CDKAL1: variants seen among roughly 807,000 people sequenced by gnomAD.
CDKAL1 encodes the protein CDKAL1 threonylcarbamoyladenosine tRNA methylthiotransferase, also known as threonylcarbamoyladenosine tRNA methylthiotransferase.
CDKAL1 carries 32 observed loss-of-function variants against 68.2 expected under a neutral mutation model. The observed-to-expected ratio is 0.47, with a 90% CI of 0.35 to 0.63. The LOEUF is 0.63. Among genes scored for constraint, CDKAL1 ranks in the 30% least tolerant of loss-of-function variants. The pLI, the probability that CDKAL1 is intolerant of heterozygous loss-of-function variation, is 0.00. For missense variants in CDKAL1, 606 were observed against 696.7 expected, an observed-to-expected ratio of 0.87 and a Z score of 1.47; for synonymous variants, 234 against 244.3, an observed-to-expected ratio of 0.96 and a Z score of 0.39.
chr6:20,980,695 A>T (rs1269058995), intron 10 of CDKAL1, among the ~76,000 whole-genome samples: 3 of 152,206 alleles, frequency 2.0e-5, no homozygotes, highest in African/African-American at 4.8e-5. Context: ...TTGCTTAAAA[A>T]AGGCAACTTC....
intron 3 of CDKAL1, among the ~76,000 whole-genome samples, chr6:20,547,055 C>G (rs1242075252): frequency 6.6e-6 from 1 of 151,896 alleles, no homozygotes; most frequent in East Asian, 1.9e-4. Context: ...TACATACTTT[C>G]CAGTTGAGTA....
At chr6:20,914,951 A>C (rs1265110379) in intron 9 of CDKAL1, among the ~76,000 whole-genome samples, 1 of 152,168 alleles carries the variant, frequency 6.6e-6, no homozygotes, top group Non-Finnish European at 1.5e-5. Flanking sequence ...GGTGGGTATA[A>C]GATTGAATAT....
intron 12 of CDKAL1, among the ~76,000 whole-genome samples, chr6:21,072,029 T>C (rs1771801316): frequency 6.6e-6 from 1 of 152,222 alleles, no homozygotes; most frequent in South Asian, 2.1e-4. Flanking sequence ...CAGCCAGCTT[T>C]TGTGAACTGG....
chr6:20,664,244 G>A (rs547560865), intron 5 of CDKAL1, among the ~76,000 whole-genome samples: 2 of 152,176 alleles, frequency 1.3e-5, no homozygotes, highest in African/African-American at 4.8e-5. Flanking sequence ...ATGTGTGCTC[G>A]CACGCTCAAT....
intron 9 of CDKAL1, among the ~76,000 whole-genome samples, chr6:20,860,852 A>G (rs1759580519): frequency 6.6e-6 from 1 of 152,004 alleles, no homozygotes; most frequent in Admixed American, 6.6e-5. Flanking sequence ...CTGAATGAAT[A>G]CATGAATAAA....
intron 9 of CDKAL1, among the ~76,000 whole-genome samples, chr6:20,902,349 AC>A (rs1762040532): frequency 0.2 from 21,481 of 106,858 alleles, 2,036 homozygotes; most frequent in Non-Finnish European, 0.25. Context: ...ACACACACAC[AC>A]ACACACACAA....
intron 13 of CDKAL1, among the ~76,000 whole-genome samples, chr6:21,147,566 T>C (rs191735723): frequency 4.7e-4 from 72 of 152,300 alleles, no homozygotes; most frequent in African/African-American, 1.3e-3. Flanking sequence ...GCTTCCTGGT[T>C]AGTGCCCTGC....
intron 9 of CDKAL1, among the ~76,000 whole-genome samples, chr6:20,892,776 A>G (rs1177019435): frequency 1.3e-5 from 2 of 152,150 alleles, no homozygotes; most frequent in African/African-American, 4.8e-5. Context: ...TTGTTGCAGT[A>G]TTTTCTGACA....
intron 4 of CDKAL1, among the ~76,000 whole-genome samples, chr6:20,576,968 C>T (rs927510272): frequency 6.6e-6 from 1 of 152,084 alleles, no homozygotes; most frequent in African/African-American, 2.4e-5. Context: ...ATATGTTCTC[C>T]ATACCCATTT....
intron 4 of CDKAL1, among the ~76,000 whole-genome samples, chr6:20,565,721 A>G (rs1764435805): frequency 6.6e-6 from 1 of 152,114 alleles, no homozygotes. Context: ...AGTATTTGAC[A>G]GTGGTTCTGT....
intron 9 of CDKAL1, among the ~76,000 whole-genome samples, chr6:20,891,568 C>G (rs1225268301): frequency 7.1e-6 from 1 of 140,642 alleles, no homozygotes; most frequent in Non-Finnish European, 1.5e-5. Context: ...CGGAGTCTCA[C>G]TCTGTCACCA....
chr6:20,875,143 C>G (rs1036065597), intron 9 of CDKAL1, among the ~76,000 whole-genome samples: 2 of 150,946 alleles, frequency 1.3e-5, no homozygotes, highest in African/African-American at 4.9e-5. Flanking sequence ...ACTAAAAATA[C>G]AAAAAATTAG....
At chr6:20,597,285 C>T (rs946712103) in intron 4 of CDKAL1, among the ~76,000 whole-genome samples, 15 of 151,756 alleles carry the variant, frequency 9.9e-5, no homozygotes, top group African/African-American at 2.7e-4. Context: ...CCTGCCACCA[C>T]GCCTTGCTAA....
chr6:20,570,927 G>A (rs111288985), intron 4 of CDKAL1, among the ~76,000 whole-genome samples: 1 of 152,218 alleles, frequency 6.6e-6, no homozygotes, highest in Non-Finnish European at 1.5e-5. Context: ...GGCTTCTATA[G>A]TTTATTTTTC....
intron 12 of CDKAL1, among the ~76,000 whole-genome samples, chr6:21,099,999 C>A (rs182030167): frequency 6.6e-6 from 1 of 152,236 alleles, no homozygotes; most frequent in East Asian, 1.9e-4. Context: ...GTATGGCAAC[C>A]TACATTTTAT....
At chr6:20,892,225 G>T (rs141172504) in intron 9 of CDKAL1, among the ~76,000 whole-genome samples, 1 of 152,296 alleles carries the variant, frequency 6.6e-6, no homozygotes, top group African/African-American at 2.4e-5. Flanking sequence ...TAAGAAAGAG[G>T]TGTGGAGCAG....
At chr6:21,044,429 G>A (rs937403083) in intron 11 of CDKAL1, among the ~76,000 whole-genome samples, 1 of 152,072 alleles carries the variant, frequency 6.6e-6, no homozygotes, top group Non-Finnish European at 1.5e-5. Context: ...CTGATACCTG[G>A]CTGGCTGATA....
rs145684276 is a variant in CDKAL1, at chr6:20,701,539, C to T, written c.372-37980C>T. ...AGGATATGTGCCTCAGAAGTGGAGACATGCAGAGAGAAGACAGCTTTCAGG... is the reference window on the plus strand; with the variant it reads ...AGGATATGTGCCTCAGAAGTGGAGATATGCAGAGAGAAGACAGCTTTCAGG... On this transcript the variant is annotated intron_variant, in intron 5 of 15. Transcript: ENST00000274695. 1.8e-3 allele frequency among the ~76,000 whole-genome samples: 278 copies of T among 152,310 alleles called. 2 individuals are homozygous for T. Among genetic ancestry groups the T allele is most frequent in the African/African-American group, 6.4e-3 (266 of 41,570 alleles).
At chr6:20,879,324 C>T (rs771363484) in intron 9 of CDKAL1, among the ~76,000 whole-genome samples, 4 of 152,158 alleles carry the variant, frequency 2.6e-5, no homozygotes, top group Non-Finnish European at 5.9e-5. Flanking sequence ...GTTTTGAAGT[C>T]TTGGTCTTCC....
Sources: allele counts gnomAD v4.1 joint callset (sites outside exome capture counted in the v4.1 genomes callset), GRCh38; gene constraint gnomAD v4.1.1; transcripts MANE v1.5; gene names NCBI Gene and HGNC (gene_info 2026-07-23, HGNC 2026-07-21).